The following SRPK3 variants were observed in gnomAD, a reference collection of about 807,000 sequenced individuals.
The protein encoded by SRPK3 is SFRS protein kinase 3.
Under a neutral mutation model 45.3 loss-of-function variants are expected in SRPK3, and 26 were observed. That is an observed-to-expected ratio of 0.57 (90% CI 0.42 to 0.80). The LOEUF (loss-of-function observed/expected upper bound fraction) is 0.80, where lower values mean the gene tolerates loss of function less well. SRPK3 is among the 30% of genes least tolerant of loss of function. The probability of loss-of-function intolerance (pLI) is 0.00; values close to 1 mark genes in which losing one functional copy is unlikely to be tolerated. For missense variants in SRPK3, 536 were observed against 514.5 expected, an observed-to-expected ratio of 1.04 and a Z score of -0.40; for synonymous variants, 254 against 226.6, an observed-to-expected ratio of 1.12 and a Z score of -1.09.
chrX:153,784,046 C>T lies in SRPK3; in HGVS notation c.980C>T (p.Ala327Val). 8.3e-7 allele frequency: 1 copy of T among 1,209,149 alleles called. No individual in the cohort carries two copies. Among genetic ancestry groups the T allele is most frequent in the South Asian group, 1.8e-5 (1 of 56,701 alleles). The change falls in exon 10 of 15, where the codon GCA (alanine) becomes GTA (valine). Residue 327 changes from alanine to valine, a missense_variant. Coordinates refer to ENST00000370101, the MANE Select transcript of SRPK3 (RefSeq NM_014370.4). Reference protein sequence around the residue: ...SSGCHPGGARAGPSPASSSPA... With the variant: ...SSGCHPGGARVGPSPASSSPA... Reference sequence around the variant, plus strand: ...GGCTGTCACCCCGGGGGCGCCAGAGCAGGTCCCTCCCCAGCCTCTTCCTCC... The same window carrying T: ...GGCTGTCACCCCGGGGGCGCCAGAGTAGGTCCCTCCCCAGCCTCTTCCTCC...
rs1557066992 is a variant in SRPK3 at position 153,781,801 on chromosome X, G to C, written c.358G>C (p.Ala120Pro). The C allele has an allele frequency of 1.7e-6, 2 of 1,211,798 alleles. No individual in the cohort carries two copies. The highest frequency in any genetic ancestry group is 1.8e-5 in the South Asian group (1 of 57,042). The change falls in exon 4 of 15, where the codon GCT becomes CCT. Residue 120 changes from alanine (A) to proline (P), a missense_variant. Coordinates refer to ENST00000370101, the MANE Select transcript of SRPK3 (RefSeq NM_014370.4). ...VKSAGHYTET[A>P]VDEIKLLKCV... is the part of the protein sequence containing the mutation. ...GAGTGCGGGGCATTACACGGAGACA[G>C]CTGTGGATGAGATCAAGCTCCTGAA... is the stretch of plus-strand genomic sequence containing the variant.
In SRPK3 at chrX:153,783,246, G is replaced by T; in HGVS notation, c.769G>T (p.Val257Phe). The T allele has an allele frequency of 8.4e-7, 1 of 1,191,904 alleles. No individual in the cohort carries two copies. Among genetic ancestry groups the T allele is most frequent in the South Asian group, 1.8e-5 (1 of 54,773 alleles). The change falls in exon 8 of 15, where the codon GTC (valine) becomes TTC (phenylalanine). Residue 257 changes from valine (V) to phenylalanine (F), a missense_variant. Val to Phe is a conservative substitution (Grantham distance 50). Transcript: ENST00000370101. ...RSIVSTAPQEVLQTGKLSKNK... is the reference protein window; with the variant it reads ...RSIVSTAPQEFLQTGKLSKNK... ...CCCAGTCAGCACTGCCCCCCAGGAG[G>T]TCTTGGTAAGTTGGGGGGCCCCTCT...
In SRPK3 at chrX:153,783,874, C is replaced by T; in HGVS notation, c.897C>T (p.Thr299=). 1.7e-6 allele frequency: 2 copies of T among 1,190,691 alleles called. No homozygotes were observed. Among genetic ancestry groups the T allele is most frequent in the Non-Finnish European group, 2.3e-6 (2 of 885,590 alleles). ...GGCTGGAGGCCATGGAGGCTGCCAC[C>T]CAGGCTGAGGGTGAGGGGCCACAGA... ...LQRLEAMEAA[T]QAEDSGLRLD... Residue 299 remains threonine, a synonymous_variant, in exon 9 of 15, where the codon ACC becomes ACT. Coordinates refer to ENST00000370101, the MANE Select transcript of SRPK3 (RefSeq NM_014370.4).
intron 6 of SRPK3, 25 bp downstream of exon 6, chrX:153,782,903 C>G: frequency 8.3e-7 from 1 of 1,200,709 alleles, no homozygotes. Context: ...CTGGGCTGCC[C>G]AGCCTGGCCT....
At chrX:153,783,661 G>A (rs2085949703) in intron 8 of SRPK3, 91 bp from the exon 9 acceptor site, 4 of 1,170,460 alleles carry the variant, frequency 3.4e-6, no homozygotes, top group Non-Finnish European at 4.6e-6. Flanking sequence ...GCCCGGAGAG[G>A]CCTCTTCCCT....
chrX:153,782,657 GA>G, intron 5 of SRPK3, 114 bp from the exon 6 acceptor site: 1 of 654,505 alleles, frequency 1.5e-6, no homozygotes, highest in Non-Finnish European at 2.3e-6. Context: ...CTGCCCAGGG[GA>G]GGCCCTGCCT....
Position 153,781,272 on chromosome X carries a change from C to G in SRPK3, c.116C>G (p.Pro39Arg). The G allele has an allele frequency of 2.5e-6, 3 of 1,209,957 alleles. No individual in the cohort carries two copies. Among genetic ancestry groups the G allele is most frequent in the Admixed American group, 2.2e-5 (1 of 45,941 alleles). ...GGCTCCGAACTAGCCCTGGCCACAC[C>G]GGTGCCTCAGATGCTGCAGGGCCTT... ...SSGSELALAT[P>R]VPQMLQGLLG... Residue 39 changes from proline (P) to arginine (R), a missense_variant, in exon 2 of 15, where the codon CCG becomes CGG. Coordinates refer to ENST00000370101, the MANE Select transcript of SRPK3 (RefSeq NM_014370.4).
At chrX:153,782,249 G>C (rs782659048) in intron 5 of SRPK3, 41 bp downstream of exon 5, 2 of 1,126,735 alleles carry the variant, frequency 1.8e-6, no homozygotes, top group African/African-American at 1.8e-5. Flanking sequence ...GGCAGCCAAG[G>C]GCCGGCAAAT....
Position 153,781,090 on chromosome X carries a change from A to G in SRPK3, c.4A>G (p.Ser2Gly), listed in dbSNP as rs2092047292. 1 of 1,081,096 alleles carries G rather than the reference A, an allele frequency of 9.2e-7. No homozygotes were observed. Among genetic ancestry groups the G allele is most frequent in the Non-Finnish European group, 1.2e-6 (1 of 834,920 alleles). The allele number at this position is 1,081,096 out of a possible 1,213,427, so 89.1% of individuals were successfully genotyped here. ...AGCTGCGGGCTGCGTGGCCGGGATG[A>G]GCGCCAGCACGGGCGGTGGTGGGGA... M[S>G]ASTGGGGDSG... Residue 2 changes from serine (S) to glycine (G), a missense_variant, in exon 1 of 15, where the codon AGC (serine) becomes GGC (glycine). Physicochemically the swap from Ser to Gly is moderately conservative, Grantham distance 56. Coordinates refer to ENST00000370101, the MANE Select transcript of SRPK3 (RefSeq NM_014370.4).
chrX:153,784,428 C>A, intron 11 of SRPK3, 34 bp downstream of exon 11: 1 of 1,185,021 alleles, frequency 8.4e-7, no homozygotes, highest in Non-Finnish European at 1.1e-6. Context: ...GAGTGGGGGG[C>A]CCTGCTCCAA....
At chrX:153,783,322 C>A in intron 8 of SRPK3, 71 bp downstream of exon 8, 1 of 760,417 alleles carries the variant, frequency 1.3e-6, no homozygotes, top group Non-Finnish European at 1.9e-6. Flanking sequence ...TCTCTGGAGC[C>A]ACAGTGGCTC....
Position 153,781,158 on chromosome X carries a change from T to C in SRPK3, c.59+13T>C. ...GCAGTAGCAGCAGGTAGGGCTCGGC[T>C]GGGGCACCCGGAGCCCCTGGCGTCT... is the stretch of plus-strand genomic sequence containing the variant. On this transcript the variant is annotated intron_variant, in intron 1 of 14. Coordinates refer to ENST00000370101, the MANE Select transcript of SRPK3 (RefSeq NM_014370.4). The C allele has an allele frequency of 1.7e-6, 2 of 1,172,226 alleles. No individual in the cohort carries two copies. The highest frequency in any genetic ancestry group is 2.3e-6 in the Non-Finnish European group (2 of 877,170).
In SRPK3 at chrX:153,781,849, C is replaced by A. The variant is rs1557067015; in HGVS notation, c.387+19C>A. On this transcript the variant is annotated intron_variant, in intron 4 of 14. Coordinates refer to ENST00000370101, the MANE Select transcript of SRPK3 (RefSeq NM_014370.4). ...GAAATGTGTGAGGCACCTCCCTACC[C>A]CACTCCCAGCTCCCCTGGAGCTGCC... is the stretch of plus-strand genomic sequence containing the variant. 4.1e-6 allele frequency: 5 copies of A among 1,205,655 alleles called. No individual in the cohort carries two copies. The highest frequency in any genetic ancestry group is 3.0e-5 in the East Asian group (1 of 33,826).
In SRPK3 at chrX:153,784,027, C is replaced by A; in HGVS notation, c.961C>A (p.His321Asn). The A allele has an allele frequency of 8.3e-7, 1 of 1,207,071 alleles. No individual in the cohort carries two copies. Among genetic ancestry groups the A allele is most frequent in the African/African-American group, 1.7e-5 (1 of 57,812 alleles). ...CGGCTCCACATCCTCTTCAGGCTGT[C>A]ACCCCGGGGGCGCCAGAGCAGGTCC... ...GSGSTSSSGC[H>N]PGGARAGPSP... Residue 321 changes from histidine (H) to asparagine (N), a missense_variant, in exon 10 of 15, where the codon CAC becomes AAC. Transcript: ENST00000370101.
Position 153,785,438 on chromosome X carries a change from TTC to T in SRPK3, c.1624_1625del (p.Leu542AlafsTer16). On this transcript the variant is annotated frameshift_variant, in exon 15 of 15. Transcript: ENST00000370101. LOFTEE classifies it high-confidence loss of function. ...GAGCAGGCCACACAGTTCAGCGCCT[TTC>T]TGCTGCCCATGATGGAGTACATCCC... 2 of 1,211,334 alleles carry T rather than the reference TTC, an allele frequency of 1.7e-6. No individual in the cohort carries two copies. Among genetic ancestry groups the T allele is most frequent in the Non-Finnish European group, 2.2e-6 (2 of 895,483 alleles).
chrX:153,785,184 G>A lies in SRPK3; in HGVS notation c.1519+11G>A, dbSNP rs781844005. On this transcript the variant is annotated intron_variant, in intron 14 of 14. Transcript: ENST00000370101. ...TCTTCAACCGGAGAGGTGAGGGCCC[G>A]GGCAGCCTCAGGCCATGTGGCTGCA... 31 of 1,203,657 alleles carry A rather than the reference G, an allele frequency of 2.6e-5. No homozygotes were observed. The highest frequency in any genetic ancestry group is 1.3e-4 in the Admixed American group (6 of 45,612).
At chrX:153,784,239 A>G (rs374015300) in intron 10 of SRPK3, 26 bp downstream of exon 10, 106 of 1,209,566 alleles carry the variant, frequency 8.8e-5, no homozygotes, top group Non-Finnish European at 1.1e-4. Context: ...AGTGGTGGGC[A>G]GGCAGGGCTG....
rs782541069 is a variant in SRPK3, at chrX:153,784,367, C to T, written c.1221C>T (p.Ile407=). The stretch of plus-strand genomic sequence containing the variant: ...ATGCAGATAAGATCAAGATCAAGAT[C>T]GCAGACCTGGGCAACGCCTGCTGGG... ...PQNADKIKIK[I]ADLGNACWVH... is the part of the protein sequence containing the mutation. The change falls in exon 11 of 15, where the codon ATC becomes ATT. Residue 407 remains isoleucine (I), a synonymous_variant. Transcript: ENST00000370101. 1.3e-5 allele frequency: 16 copies of T among 1,210,133 alleles called. No homozygotes were observed. In the African/African-American group the frequency reaches 2.1e-4, roughly 16 times the overall value.
intron 2 of SRPK3, 79 bp from the exon 3 acceptor site, chrX:153,781,426 T>TG: frequency 8.5e-7 from 1 of 1,174,401 alleles, no homozygotes; most frequent in Admixed American, 2.4e-5. Flanking sequence ...ATGGGCCAGA[T>TG]GGTCAATGGG....
Sources: gnomAD v4.1 joint callset for allele counts on GRCh38, gnomAD v4.1.1 for gene constraint, MANE v1.5 for transcripts, NCBI Gene and HGNC (gene_info 2026-07-23, HGNC 2026-07-21) for gene names.